The following OTOGL variants were observed in gnomAD, a reference collection of about 807,000 sequenced individuals.
OTOGL encodes the protein otogelin-like protein.
Under a neutral mutation model 318.5 loss-of-function variants are expected in OTOGL, and 285 were observed. That is an observed-to-expected ratio of 0.89 (90% confidence interval 0.81 to 0.99). The LOEUF (loss-of-function observed/expected upper bound fraction) is 0.99, where lower values mean the gene tolerates loss of function less well. Among genes scored for constraint, OTOGL ranks in the 50% least tolerant of loss-of-function variants. The probability of loss-of-function intolerance (pLI) is 0.00; values close to 1 mark genes in which losing one functional copy is unlikely to be tolerated. For synonymous variants in OTOGL, 987 were observed against 936.5 expected (o/e 1.05, Z -0.99); for missense variants, 2,899 against 2,845.6 (o/e 1.02, Z -0.43).
At chr12:80,102,652 T>A (rs554239310) in intron 1 of OTOGL, among the ~76,000 whole-genome samples, 44 of 152,328 alleles carry the variant, frequency 2.9e-4, no homozygotes, top group Non-Finnish European at 5.3e-4. Flanking sequence ...CTCCCAATTG[T>A]ATCTATCCCC....
chr12:80,219,412 A>AT (rs1878071869), intron 5 of OTOGL, among the ~76,000 whole-genome samples: 1 of 152,278 alleles, frequency 6.6e-6, no homozygotes. Context: ...CTATTCTTTA[A>AT]TAGAGTGTTT....
intron 7 of OTOGL, among the ~76,000 whole-genome samples, chr12:80,227,984 C>T (rs562036247): frequency 2.6e-5 from 4 of 152,084 alleles, no homozygotes; most frequent in Non-Finnish European, 5.9e-5. Flanking sequence ...TAGCCGTTTT[C>T]CTCTAATAGA....
At chr12:80,355,230 T>TTTC in intron 46 of OTOGL, among the ~76,000 whole-genome samples, 5 of 24,602 alleles carry the variant, frequency 2.0e-4, no homozygotes, top group Middle Eastern at 0.031. Context: ...CTTTCTTTTC[T>TTTC]TTTTTTTTTT....
At chr12:80,372,417 G>A (rs1028098836) in intron 57 of OTOGL, among the ~76,000 whole-genome samples, 1 of 151,946 alleles carries the variant, frequency 6.6e-6, no homozygotes, top group Non-Finnish European at 1.5e-5. Flanking sequence ...ATTTAAAAAT[G>A]TTTTGTGATC....
At chr12:80,271,183 C>T (rs368606161) in intron 23 of OTOGL, among the ~76,000 whole-genome samples, 16 of 152,222 alleles carry the variant, frequency 1.1e-4, no homozygotes, top group South Asian at 4.1e-4. Flanking sequence ...GAGGAACCCA[C>T]GGGATTTTAT....
At chr12:80,110,853 A>G (rs528276515) in intron 1 of OTOGL, among the ~76,000 whole-genome samples, 2 of 152,318 alleles carry the variant, frequency 1.3e-5, no homozygotes, top group Middle Eastern at 3.4e-3. Flanking sequence ...GGTTGAACTA[A>G]TTTACACTCC....
intron 1 of OTOGL, among the ~76,000 whole-genome samples, chr12:80,166,842 T>A (rs1057288448): frequency 6.6e-6 from 1 of 152,006 alleles, no homozygotes; most frequent in African/African-American, 2.4e-5. Flanking sequence ...GTGAGATAAA[T>A]AAAGCACGAA....
intron 26 of OTOGL, among the ~76,000 whole-genome samples, chr12:80,285,895 C>T (rs1374380493): frequency 6.6e-6 from 1 of 152,148 alleles, no homozygotes; most frequent in South Asian, 2.1e-4. Flanking sequence ...CTGGCCAGAA[C>T]TTCCAACACT....
chr12:80,100,147 G>C (rs1351784464), intron 1 of OTOGL, among the ~76,000 whole-genome samples: 1 of 152,230 alleles, frequency 6.6e-6, no homozygotes, highest in Non-Finnish European at 1.5e-5. Flanking sequence ...TGAAACCTAT[G>C]GTTTCAGACA....
chr12:80,292,595 G>T (rs1885118731), intron 26 of OTOGL, among the ~76,000 whole-genome samples: 1 of 152,320 alleles, frequency 6.6e-6, no homozygotes, highest in Non-Finnish European at 1.5e-5. Context: ...TGATTATAAA[G>T]TGCTTTTTGA....
At chr12:80,261,848 T>C in intron 18 of OTOGL, 121 bp from the exon 19 acceptor site, 1 of 1,216,394 alleles carries the variant, frequency 8.2e-7, no homozygotes, top group Non-Finnish European at 1.1e-6. Context: ...TGGTAGAAAA[T>C]TTCAAGCTGT....
At position 80,356,458 on chromosome 12, in the gene OTOGL, C is replaced by G; in HGVS notation, c.5849C>G (p.Thr1950Arg). 1.2e-6 allele frequency: 2 copies of G among 1,612,144 alleles called. No individual in the cohort carries two copies. Among genetic ancestry groups the G allele is most frequent in the Non-Finnish European group, 1.7e-6 (2 of 1,179,076 alleles). The stretch of plus-strand genomic sequence containing the variant: ...TGTGAAACTAGCATTCCAACATGTA[C>G]AAATAGTCAAAAATTGATTGTTGGC... ...TLCETSIPTC[T>R]NSQKLIVGHS... Residue 1950 changes from threonine to arginine, a missense_variant, in exon 48 of 59, where the codon ACA (threonine) becomes AGA (arginine). By Grantham distance (71) the Thr-to-Arg change is moderately conservative. Transcript: ENST00000547103.
intron 25 of OTOGL, among the ~76,000 whole-genome samples, chr12:80,278,484 A>G (rs1883974896): frequency 6.6e-6 from 1 of 151,554 alleles, no homozygotes; most frequent in South Asian, 2.1e-4. Context: ...CCAGAAGAAA[A>G]CTGTGAAACA....
chr12:80,372,162 A>G, intron 57 of OTOGL, 98 bp downstream of exon 57: 1 of 746,288 alleles, frequency 1.3e-6, no homozygotes, highest in Non-Finnish European at 2.0e-6. Context: ...CCTATGATGC[A>G]AAGAGAGAAA....
chr12:80,353,536 T>A (rs759211960), intron 46 of OTOGL, 26 bp downstream of exon 46: 5 of 1,424,544 alleles, frequency 3.5e-6, no homozygotes, highest in Non-Finnish European at 3.7e-6. Flanking sequence ...CAAAATGACT[T>A]CTCAGGAATC....
Position 80,265,145 on chromosome 12 carries a change from A to G in OTOGL, c.2159A>G (p.His720Arg), listed in dbSNP as rs772260285. ...TCCTGCCTGTGCAATGCTCTTGCCC[A>G]CTATGCCTACCTCTGCGGCCAGCAC... is the stretch of plus-strand genomic sequence containing the variant. ...GSSCLCNALA[H>R]YAYLCGQHGV... Residue 720 changes from histidine (H) to arginine (R), a missense_variant, in exon 20 of 59, where the codon CAC becomes CGC. His to Arg is a conservative substitution (Grantham distance 29). Transcript: ENST00000547103. 2 of 1,613,870 alleles carry G rather than the reference A, an allele frequency of 1.2e-6. No homozygotes were observed. The highest frequency in any genetic ancestry group is 1.1e-5 in the South Asian group (1 of 91,082).
intron 43 of OTOGL, 32 bp downstream of exon 43, chr12:80,339,296 C>CTGTTTTT: frequency 2.3e-6 from 1 of 434,296 alleles, no homozygotes. Flanking sequence ...TTGATTTCGT[C>CTGTTTTT]TGTTTTTTTT....
chr12:80,272,342 ATGTGTGTGTGTGTGTGTGTGTGTGTG>A (rs56364698), intron 24 of OTOGL, among the ~76,000 whole-genome samples: 1 of 145,504 alleles, frequency 6.9e-6, no homozygotes, highest in Admixed American at 6.9e-5. Context: ...AGGCATTGTG[ATGTGTGTGTGTGTGTGTGTGTGTGTG>A]TGTGTGTGTG....
In OTOGL at chr12:80,231,828, G is replaced by A. The variant is rs144559797; in HGVS notation, c.612-1064G>A. Among the ~76,000 whole-genome samples the A allele has an allele frequency of 6.8e-3, 1,021 of 149,398 alleles. 12 individuals are homozygous for A. Among genetic ancestry groups the A allele is most frequent in the African/African-American group, 0.024 (973 of 40,572 alleles). ...TTTTTTTTTTTTTTGAAGTAGAGAC[G>A]GGGTTTCACTGTGTTGGCCAGTCTG... On this transcript the variant is annotated intron_variant, in intron 8 of 58. Transcript: ENST00000547103.
Sources: allele counts gnomAD v4.1 joint callset (sites outside exome capture counted in the v4.1 genomes callset), GRCh38; gene constraint gnomAD v4.1.1; transcripts MANE v1.5; gene names NCBI Gene and HGNC (gene_info 2026-07-23, HGNC 2026-07-21).